LRCH3: variants seen among roughly 807,000 people sequenced by gnomAD.
LRCH3 encodes the protein DISP complex protein LRCH3.
LRCH3 carries 68 observed loss-of-function variants against 104.5 expected under a neutral mutation model. The ratio of observed to expected loss-of-function variants is 0.65; its 90% CI spans 0.54 to 0.80. The LOEUF is 0.80. LRCH3 is among the 30% of genes least tolerant of loss of function. The pLI, the probability that LRCH3 is intolerant of heterozygous loss-of-function variation, is 0.00. For synonymous variants in LRCH3, 344 were observed against 361.3 expected (o/e 0.95, Z 0.54); for missense variants, 951 against 953.9 (o/e 1.00, Z 0.04).
chr3:197,830,459 C>G (rs942515195), intron 6 of LRCH3, among the ~76,000 whole-genome samples: 1 of 152,194 alleles, frequency 6.6e-6, no homozygotes, highest in Non-Finnish European at 1.5e-5. Context: ...GAGAACCTCT[C>G]AGGCCTTCTC....
intron 16 of LRCH3, among the ~76,000 whole-genome samples, 190 bp downstream of exon 16, chr3:197,865,661 C>T (rs777402593): frequency 2.0e-5 from 3 of 152,116 alleles, no homozygotes; most frequent in East Asian, 1.9e-4. Context: ...CCACAGCACC[C>T]GGCTAAGATT....
chr3:197,803,894 T>A (rs1410657160), intron 1 of LRCH3, among the ~76,000 whole-genome samples: 1 of 152,176 alleles, frequency 6.6e-6, no homozygotes, highest in African/African-American at 2.4e-5. Context: ...AGTAAATAAT[T>A]GGCCTTAGTT....
At chr3:197,818,430 CA>C (rs966507343) in intron 3 of LRCH3, among the ~76,000 whole-genome samples, 2 of 152,018 alleles carry the variant, frequency 1.3e-5, no homozygotes, top group African/African-American at 4.8e-5. Context: ...GGTTTATTAA[CA>C]AAGATGGAAG....
At chr3:197,867,461 A>G (rs111376227) in intron 17 of LRCH3, among the ~76,000 whole-genome samples, 22,947 of 151,980 alleles carry the variant, frequency 0.15, 2,129 homozygotes, top group African/African-American at 0.24. Context: ...ACGTGCCTGT[A>G]ATCCTCGCAC....
intron 20 of LRCH3, among the ~76,000 whole-genome samples, chr3:197,879,830 AC>A (rs1713444500): frequency 7.3e-6 from 1 of 136,810 alleles, no homozygotes; most frequent in African/African-American, 2.8e-5. Context: ...TTTCTGACCT[AC>A]TTTTTTTTTT....
intron 1 of LRCH3, among the ~76,000 whole-genome samples, chr3:197,792,606 A>ATATATATATATATATATATATATATAT (rs1233845852): frequency 2.4e-4 from 9 of 37,972 alleles, no homozygotes; most frequent in South Asian, 1.2e-3. Flanking sequence ...TATATATATA[A>ATATATATATATATATATATATATATAT]AATATACATA....
chr3:197,816,692 CT>C (rs956731765), intron 2 of LRCH3, among the ~76,000 whole-genome samples: 3 of 151,966 alleles, frequency 2.0e-5, no homozygotes, highest in African/African-American at 7.3e-5. Flanking sequence ...CAACTTACTG[CT>C]TTTTTTTCCA....
chr3:197,842,929 A>G (rs1031777114), intron 10 of LRCH3, among the ~76,000 whole-genome samples: 11 of 152,008 alleles, frequency 7.2e-5, no homozygotes, highest in African/African-American at 2.4e-4. Flanking sequence ...TACTAAAAAT[A>G]CAAAAATTAG....
chr3:197,843,223 A>G (rs895510347), intron 10 of LRCH3, among the ~76,000 whole-genome samples: 2 of 152,206 alleles, frequency 1.3e-5, no homozygotes, highest in Admixed American at 1.3e-4. Flanking sequence ...TAACATTTAG[A>G]TAAAACCTGG....
chr3:197,870,971 T>C (rs1175037094), intron 18 of LRCH3, among the ~76,000 whole-genome samples: 1 of 152,224 alleles, frequency 6.6e-6, no homozygotes, highest in Non-Finnish European at 1.5e-5. Context: ...TAAAGAAATA[T>C]TGTCAGTAAT....
In LRCH3 at chr3:197,791,320, G is replaced by GT; in HGVS notation, c.43dup (p.Tyr15LeufsTer10). ...TGGTCGCTGTGGCAGCGGCTGCCGAGTACTCTGGCACGGTAGCGTCGGGAG... is the reference window on the plus strand; with the variant it reads ...TGGTCGCTGTGGCAGCGGCTGCCGAGTTACTCTGGCACGGTAGCGTCGGGAG... On this transcript the variant is annotated frameshift_variant, in exon 1 of 21. Transcript: ENST00000425562. LOFTEE classifies it high-confidence loss of function. 6.2e-7 allele frequency: 1 copy of GT among 1,609,610 alleles called. No individual in the cohort carries two copies. The highest frequency in any genetic ancestry group is 8.5e-7 in the Non-Finnish European group (1 of 1,178,928).
intron 17 of LRCH3, among the ~76,000 whole-genome samples, chr3:197,869,701 G>C (rs113588575): frequency 0.022 from 2,411 of 111,078 alleles, 12 homozygotes; most frequent in African/African-American, 0.063. Context: ...GGTAGAAAGC[G>C]ATGCACTGTA....
chr3:197,829,523 G>C, intron 5 of LRCH3, 41 bp from the exon 6 acceptor site: 3 of 1,313,526 alleles, frequency 2.3e-6, no homozygotes, highest in Non-Finnish European at 3.2e-6. Flanking sequence ...GCATACTTCA[G>C]ATGAGTAATA....
chr3:197,835,577 G>A, intron 8 of LRCH3, 97 bp from the exon 9 acceptor site: 1 of 1,325,114 alleles, frequency 7.5e-7, no homozygotes, highest in South Asian at 2.3e-5. Flanking sequence ...AAAATCATGG[G>A]GAAAAGGAAA....
intron 10 of LRCH3, among the ~76,000 whole-genome samples, chr3:197,842,944 G>A (rs1456199100): frequency 6.6e-6 from 1 of 151,956 alleles, no homozygotes; most frequent in Non-Finnish European, 1.5e-5. Context: ...AATTAGCCGG[G>A]TGTGGTAGCT....
At position 197,810,674 on chromosome 3, in the gene LRCH3, G is replaced by A. The variant is rs1171996223; in HGVS notation, c.263-4234G>A. Among the ~76,000 whole-genome samples the A allele has an allele frequency of 6.6e-6, 1 of 151,824 alleles. No homozygotes were observed. Reference sequence around the variant, plus strand: ...TTAAGGTACATGTCACTAACAAGAGGCAGATTACATTTCTACTTTGAGTAT... The same window carrying A: ...TTAAGGTACATGTCACTAACAAGAGACAGATTACATTTCTACTTTGAGTAT... On this transcript the variant is annotated intron_variant, in intron 1 of 20. Transcript: ENST00000425562. This position sits in a 1 kb window ranked among gnomAD's most constrained non-coding sequence, Gnocchi z 4.0.
In LRCH3 at chr3:197,858,908, A is replaced by ATC; in HGVS notation, c.1716+7_1716+8dup. 6.2e-7 allele frequency: 1 copy of ATC among 1,611,898 alleles called. No homozygotes were observed. The highest frequency in any genetic ancestry group is 8.5e-7 in the Non-Finnish European group (1 of 1,177,934). ...CTTCTGCCTTCACGCCTCTTAAGGT[A>ATC]TCTCTTGTTATTGTAATTCACCAGG... On this transcript the variant is annotated splice_donor_region_variant and intron_variant, in intron 15 of 20. Coordinates refer to ENST00000425562, the MANE Select transcript of LRCH3 (RefSeq NM_001365715.1).
rs1184417095 is a variant in LRCH3 at position 197,882,533 on chromosome 3, AAAC to A, written c.2209-1005_2209-1003del. 1.8e-4 allele frequency: 172 copies of A among 945,644 alleles called. 2 individuals are homozygous for A. In the African/African-American group the frequency reaches 2.3e-3, roughly 13 times the overall value. 58.6% of individuals were successfully genotyped at this position (945,644 alleles called of 1,614,324 possible). On this transcript the variant is annotated intron_variant, in intron 20 of 20. Coordinates refer to ENST00000425562, the MANE Select transcript of LRCH3 (RefSeq NM_001365715.1). ...AATGAAAAGCAAAACAAAAAACAAA[AAAC>A]AAAAAAACCCAACTAGTTGTTTTAA...
In LRCH3 at chr3:197,870,247, A is replaced by G. The variant is rs1332410801; in HGVS notation, c.1961A>G (p.Glu654Gly). The G allele has an allele frequency of 6.2e-7, 1 of 1,613,506 alleles. No homozygotes were observed. Among genetic ancestry groups the G allele is most frequent in the Admixed American group, 1.7e-5 (1 of 60,022 alleles). The change falls in exon 18 of 21, where the codon GAA (glutamate) becomes GGA (glycine). Residue 654 changes from glutamate (E) to glycine (G), a missense_variant. Glu to Gly is a moderately conservative substitution (Grantham distance 98, BLOSUM62 -2). Coordinates refer to ENST00000425562, the MANE Select transcript of LRCH3 (RefSeq NM_001365715.1). Reference protein sequence around the residue: ...ITGQNSRQREEELELIDQLRK... With the variant: ...ITGQNSRQREGELELIDQLRK... ...GGACAGAATTCAAGACAGAGAGAAGAAGAGCTGGAATTAATAGACCAACTG... is the reference window on the plus strand; with the variant it reads ...GGACAGAATTCAAGACAGAGAGAAGGAGAGCTGGAATTAATAGACCAACTG...
Sources: gnomAD v4.1 joint callset for allele counts (sites outside exome capture counted in the v4.1 genomes callset) on GRCh38, gnomAD v4.1.1 for gene constraint, Gnocchi (gnomAD v3.1) non-coding constraint, MANE v1.5 for transcripts, NCBI Gene and HGNC (gene_info 2026-07-23, HGNC 2026-07-21) for gene names.